The following RALGPS1 variants were observed in gnomAD, a reference collection of about 807,000 sequenced individuals.
RALGPS1 encodes the protein ras-specific guanine nucleotide-releasing factor RalGPS1.
In RALGPS1, 19 loss-of-function variants were observed where a neutral mutation model predicts 78.8. The ratio of observed to expected loss-of-function variants is 0.24; its 90% CI spans 0.17 to 0.35. The LOEUF (loss-of-function observed/expected upper bound fraction) is 0.35, where lower values mean the gene tolerates loss of function less well. Ranked by LOEUF, RALGPS1 falls within the 10% of genes least tolerant of loss-of-function variation. The pLI is 1.00. For missense variants in RALGPS1, 454 were observed against 688.3 expected (o/e 0.66, Z 3.81); for synonymous variants, 228 against 256.3 (o/e 0.89, Z 1.06).
At position 127,052,832 on chromosome 9, in the gene RALGPS1, A is replaced by G. The variant is rs367693601; in HGVS notation, c.391-15A>G. On this transcript the variant is annotated splice_polypyrimidine_tract_variant and intron_variant, in intron 6 of 18. Coordinates refer to ENST00000259351, the MANE Select transcript of RALGPS1 (RefSeq NM_014636.3). ...TTATAGCAGCAAAATAATCTATTCCATATCTTTTTTTCAGAAACTTCTAGA... is the reference window on the plus strand; with the variant it reads ...TTATAGCAGCAAAATAATCTATTCCGTATCTTTTTTTCAGAAACTTCTAGA... 22 of 1,535,896 alleles carry G rather than the reference A, an allele frequency of 1.4e-5. No homozygotes were observed. The African/African-American group carries it at 2.2e-4, about 15-fold the overall frequency.
chr9:127,015,811 C>T (rs2044761085), intron 4 of RALGPS1, among the ~76,000 whole-genome samples: 2 of 152,102 alleles, frequency 1.3e-5, no homozygotes, highest in Non-Finnish European at 2.9e-5. Flanking sequence ...TTCTCCTGCC[C>T]TGGACATCAC....
rs977516908 is a variant in RALGPS1, at chr9:127,178,037, G to A, written c.910+3255G>A. 66 of 1,497,560 alleles carry A rather than the reference G, an allele frequency of 4.4e-5. No individual in the cohort carries two copies. The South Asian group carries it at 4.7e-4, about 11-fold the overall frequency. The allele number at this position is 1,497,560 out of a possible 1,614,324, so 92.8% of individuals were successfully genotyped here. Reference sequence around the variant, plus strand: ...AAGCATGGCGAGGCACCCATGGGCCGGCCCAGGGTCCTGGGGAGGGTGGAG... The same window carrying A: ...AAGCATGGCGAGGCACCCATGGGCCAGCCCAGGGTCCTGGGGAGGGTGGAG... On this transcript the variant is annotated intron_variant, in intron 11 of 18. Transcript: ENST00000259351.
chr9:127,102,058 G>A (rs961127046), intron 8 of RALGPS1, among the ~76,000 whole-genome samples: 38 of 152,154 alleles, frequency 2.5e-4, no homozygotes, highest in African/African-American at 8.4e-4. Flanking sequence ...AGGCAGTGGT[G>A]ATGCGGGGAT....
chr9:127,181,394 G>C (rs976077760), intron 11 of RALGPS1, among the ~76,000 whole-genome samples: 7 of 152,246 alleles, frequency 4.6e-5, no homozygotes, highest in Non-Finnish European at 8.8e-5. Context: ...TTCTACAGGT[G>C]AAGATGCAGG....
At chr9:126,961,632 A>G (rs985799353) in intron 1 of RALGPS1, among the ~76,000 whole-genome samples, 1 of 152,004 alleles carries the variant, frequency 6.6e-6, no homozygotes, top group African/African-American at 2.4e-5. Context: ...GCAAGACCCC[A>G]CCTCCACAAA....
At chr9:127,073,407 G>A (rs1443722490) in intron 8 of RALGPS1, among the ~76,000 whole-genome samples, 3 of 151,014 alleles carry the variant, frequency 2.0e-5, no homozygotes, top group Non-Finnish European at 4.4e-5. Context: ...TGCTGCAAAT[G>A]ACAGGATTTC....
At chr9:127,121,903 A>G (rs2056136264) in intron 8 of RALGPS1, among the ~76,000 whole-genome samples, 1 of 152,106 alleles carries the variant, frequency 6.6e-6, no homozygotes. Flanking sequence ...TAGGAATCCA[A>G]AGCTTCAAAG....
intron 14 of RALGPS1, among the ~76,000 whole-genome samples, chr9:127,201,211 C>G (rs937019426): frequency 1.3e-5 from 2 of 152,242 alleles, no homozygotes; most frequent in African/African-American, 4.8e-5. Flanking sequence ...ATTTTGGGAT[C>G]TCTTCCAAGC....
At chr9:127,200,511 A>C (rs2061575814) in intron 14 of RALGPS1, among the ~76,000 whole-genome samples, 1 of 152,238 alleles carries the variant, frequency 6.6e-6, no homozygotes, top group Admixed American at 6.5e-5. Context: ...CCACCTCTTC[A>C]TCACTGCTCC....
At chr9:126,976,623 G>A (rs900655325) in intron 3 of RALGPS1, among the ~76,000 whole-genome samples, 17 of 152,142 alleles carry the variant, frequency 1.1e-4, no homozygotes, top group Non-Finnish European at 2.1e-4. Flanking sequence ...TTGCCGTTAA[G>A]TGACAGTGTC....
In RALGPS1 at chr9:127,177,778, C is replaced by A. The variant is rs1218542528; in HGVS notation, c.910+2996C>A. On this transcript the variant is annotated intron_variant, in intron 11 of 18. Transcript: ENST00000259351. ...ACTGCATTTCCTGGCCTCCTTTGAC[C>A]CCTGACTGTCCTGGAAGTCAGCTGG... The A allele has an allele frequency of 3.3e-6, 5 of 1,528,736 alleles. No homozygotes were observed. In the Admixed American group the frequency reaches 7.9e-5, roughly 24 times the overall value. The allele number at this position is 1,528,736 out of a possible 1,614,324, so 94.7% of individuals were successfully genotyped here. A position where few individuals can be genotyped will look rare whatever the true frequency, so the allele number is the denominator to read the frequency against.
intron 1 of RALGPS1, among the ~76,000 whole-genome samples, chr9:126,926,052 T>A (rs749137511): frequency 1.3e-5 from 2 of 152,236 alleles, no homozygotes; most frequent in Non-Finnish European, 2.9e-5. Flanking sequence ...AGTTGCTGAC[T>A]CATTTTTCAT....
intron 8 of RALGPS1, among the ~76,000 whole-genome samples, chr9:127,114,945 G>A (rs1332907765): frequency 6.6e-6 from 1 of 152,216 alleles, no homozygotes; most frequent in Admixed American, 6.5e-5. Context: ...CTGTTGAAAT[G>A]TATGGTGTGC....
At chr9:127,079,022 T>C (rs1036718498) in intron 8 of RALGPS1, among the ~76,000 whole-genome samples, 1 of 152,182 alleles carries the variant, frequency 6.6e-6, no homozygotes, top group Non-Finnish European at 1.5e-5. Flanking sequence ...AATGGTGAGA[T>C]CAGTGCTTGT....
intron 4 of RALGPS1, among the ~76,000 whole-genome samples, chr9:127,001,109 A>AAAACT (rs2043264333): frequency 6.6e-6 from 1 of 150,628 alleles, no homozygotes. Context: ...AAAACAAAAC[A>AAAACT]AAACAAAACA....
intron 8 of RALGPS1, chr9:127,087,892 T>C (rs2051960030): frequency 6.6e-6 from 1 of 152,628 alleles, no homozygotes; most frequent in Admixed American, 6.5e-5. Flanking sequence ...ATTATTTGTG[T>C]GAAGACTCAA....
rs1027763688 is a variant in RALGPS1, at chr9:127,218,185, C to T, written c.1645-555C>T. 2.0e-5 allele frequency among the ~76,000 whole-genome samples: 3 copies of T among 152,078 alleles called. No homozygotes were observed. Among genetic ancestry groups the T allele is most frequent in the Non-Finnish European group, 4.4e-5 (3 of 68,004 alleles). On this transcript the variant is annotated intron_variant, in intron 18 of 18. Coordinates refer to ENST00000259351, the MANE Select transcript of RALGPS1 (RefSeq NM_014636.3). The surrounding 1 kb of genome is among the most constrained non-coding windows in gnomAD (Gnocchi z 4.4). ...TGGCAGAAACACTCTGACCTTGGGG[C>T]TAGTGGTCCCGCCAGTAAAGGGGTC...
At position 126,961,371 on chromosome 9, in the gene RALGPS1, G is replaced by GATCTA. The variant is rs2038886009; in HGVS notation, c.-65-852_-65-851insCTAAT. ...GACCTACTTCAGGATTTTTGGGTTA[G>GATCTA]ATGAGCTAATGTATGCCAAGCATGG... On this transcript the variant is annotated intron_variant, in intron 1 of 18. Coordinates refer to ENST00000259351, the MANE Select transcript of RALGPS1 (RefSeq NM_014636.3). Among the ~76,000 whole-genome samples the GATCTA allele has an allele frequency of 2.0e-5, 3 of 152,318 alleles. No individual in the cohort carries two copies. In the South Asian group the frequency reaches 6.2e-4, roughly 32 times the overall value.
Position 127,218,611 on chromosome 9 carries a change from C to G in RALGPS1, c.1645-129C>G, listed in dbSNP as rs375319048. The G allele has an allele frequency of 4.1e-4, 390 of 949,674 alleles. 11 individuals are homozygous for G. The South Asian group carries it at 4.5e-3, about 11-fold the overall frequency. 58.8% of individuals were successfully genotyped at this position (949,674 alleles called of 1,614,324 possible). Reference sequence around the variant, plus strand: ...TGGGGTGGCTATTGTTATTGCCATACCCTCTCCCTACCCAACCTGCTCATT... The same window carrying G: ...TGGGGTGGCTATTGTTATTGCCATAGCCTCTCCCTACCCAACCTGCTCATT... On this transcript the variant is annotated intron_variant, in intron 18 of 18. Transcript: ENST00000259351. The surrounding 1 kb of genome is among the most constrained non-coding windows in gnomAD (Gnocchi z 4.4).
Sources: allele counts gnomAD v4.1 joint callset (sites outside exome capture counted in the v4.1 genomes callset), GRCh38; gene constraint gnomAD v4.1.1; non-coding constraint Gnocchi (gnomAD v3.1); transcripts MANE v1.5; gene names NCBI Gene and HGNC (gene_info 2026-07-23, HGNC 2026-07-21).